SLC16A10: variants seen among roughly 807,000 people sequenced by gnomAD.
SLC16A10 encodes solute carrier family 16 member 10.
Under a neutral mutation model 40.0 loss-of-function variants are expected in SLC16A10, and 27 were observed. The observed-to-expected ratio is 0.67, with a 90% confidence interval of 0.50 to 0.93. The LOEUF is 0.93. Ranked by LOEUF, SLC16A10 falls within the 40% of genes least tolerant of loss-of-function variation. The probability of loss-of-function intolerance (pLI) is 0.00; values close to 1 mark genes in which losing one functional copy is unlikely to be tolerated. For missense variants in SLC16A10, 529 were observed against 658.2 expected (o/e 0.80, Z 2.15); for synonymous variants, 213 against 249.8 (o/e 0.85, Z 1.39).
At chr6:111,178,557 G>GA (rs150694490) in intron 3 of SLC16A10, 6,925 of 280,962 alleles carry the variant, frequency 0.025, no homozygotes, top group South Asian at 0.043. Flanking sequence ...CCTGGGGAAG[G>GA]AAAAAAAAAA....
chr6:111,134,785 T>C (rs1229400212), intron 1 of SLC16A10, among the ~76,000 whole-genome samples: 2 of 152,112 alleles, frequency 1.3e-5, no homozygotes, highest in Non-Finnish European at 1.5e-5. Context: ...GGGACGTAGG[T>C]CCTCTGAGTC....
chr6:111,177,629 T>C lies in SLC16A10; in HGVS notation c.906T>C (p.Leu302=). Residue 302 remains leucine, a synonymous_variant, in exon 3 of 6, where the codon CTT becomes CTC. Transcript: ENST00000368851. ...AYAVWAVGIP[L]ALFGYFVPYV... The stretch of plus-strand genomic sequence containing the variant: ...CAGTGTGGGCAGTTGGAATACCACT[T>C]GCACTTTTTGGATACTTTGTGCCTT... 6.3e-7 allele frequency: 1 copy of C among 1,578,076 alleles called. No homozygotes were observed. The highest frequency in any genetic ancestry group is 8.6e-7 in the Non-Finnish European group (1 of 1,162,434).
rs115741123 is a variant in SLC16A10, at chr6:111,223,534, C to A, written c.*1299C>A. ...TGCTTTTGATTGTGAAGACATTCAG[C>A]AACTTACTTTGTCATACATGCAGTT... is the stretch of plus-strand genomic sequence containing the variant. On this transcript the variant is annotated 3_prime_UTR_variant, in exon 6 of 6. Transcript: ENST00000368851. 89 of 152,246 alleles carry A rather than the reference C, an allele frequency of 5.8e-4. No individual in the cohort carries two copies. The highest frequency in any genetic ancestry group is 1.8e-3 in the African/African-American group (75 of 41,548). 9.4% of individuals were successfully genotyped at this position (152,246 alleles called of 1,614,324 possible).
chr6:111,172,390 A>G (rs1772601880), intron 1 of SLC16A10, among the ~76,000 whole-genome samples: 1 of 152,154 alleles, frequency 6.6e-6, no homozygotes, highest in Admixed American at 6.5e-5. Context: ...TTGAGTTTTT[A>G]TGGAATCTGA....
At chr6:111,161,847 C>A (rs1388797537) in intron 1 of SLC16A10, among the ~76,000 whole-genome samples, 1 of 144,946 alleles carries the variant, frequency 6.9e-6, no homozygotes, top group East Asian at 1.9e-4. Context: ...TTTTCCCAAA[C>A]AAAGAAACCT....
intron 1 of SLC16A10, among the ~76,000 whole-genome samples, chr6:111,145,725 T>C (rs1772066350): frequency 6.6e-6 from 1 of 152,160 alleles, no homozygotes; most frequent in African/African-American, 2.4e-5. Context: ...AGTGTGTACC[T>C]GTATTCCTAG....
intron 1 of SLC16A10, among the ~76,000 whole-genome samples, chr6:111,093,490 A>C (rs901025722): frequency 7.9e-5 from 12 of 152,168 alleles, no homozygotes; most frequent in Non-Finnish European, 1.6e-4. Flanking sequence ...TTCCCCCCAC[A>C]CCAAGTTTTC....
chr6:111,099,952 G>A (rs982171943), intron 1 of SLC16A10, among the ~76,000 whole-genome samples: 17 of 150,930 alleles, frequency 1.1e-4, no homozygotes, highest in Non-Finnish European at 2.2e-4. Flanking sequence ...AGCTCTAGAG[G>A]TCAAGGGTGC....
chr6:111,216,716 G>A (rs1216683078), intron 4 of SLC16A10, among the ~76,000 whole-genome samples: 3 of 151,928 alleles, frequency 2.0e-5, no homozygotes, highest in Non-Finnish European at 2.9e-5. Flanking sequence ...CGCCCAGCCG[G>A]CCAACTCGTA....
At position 111,229,499 on chromosome 6, in the gene SLC16A10, G is replaced by A. The variant is rs908235199; in HGVS notation, c.*7264G>A. The A allele has an allele frequency of 6.6e-6, 1 of 152,138 alleles. No individual in the cohort carries two copies. Among genetic ancestry groups the A allele is most frequent in the Non-Finnish European group, 1.5e-5 (1 of 68,026 alleles). The allele number at this position is 152,138 out of a possible 1,614,324, so 9.4% of individuals were successfully genotyped here. A position where few individuals can be genotyped will look rare whatever the true frequency, so the allele number is the denominator to read the frequency against. On this transcript the variant is annotated 3_prime_UTR_variant, in exon 6 of 6. Transcript: ENST00000368851. ...TGTAACTTTGAGGCAATGTGAAAAA[G>A]TTATATATAATAGCTTCCTATTGAG...
At chr6:111,195,586 C>G (rs960016758) in intron 3 of SLC16A10, among the ~76,000 whole-genome samples, 3 of 152,090 alleles carry the variant, frequency 2.0e-5, no homozygotes, top group Non-Finnish European at 4.4e-5. Flanking sequence ...AAAATAGTCC[C>G]CACAAATTTC....
chr6:111,207,627 G>C (rs1024783378), intron 4 of SLC16A10, among the ~76,000 whole-genome samples: 4 of 152,208 alleles, frequency 2.6e-5, no homozygotes, highest in Non-Finnish European at 4.4e-5. Context: ...GAGTGCCATA[G>C]CAACACAGGC....
rs982449088 is a variant in SLC16A10 at position 111,229,191 on chromosome 6, A to T, written c.*6956A>T. The T allele has an allele frequency of 6.6e-6, 1 of 152,142 alleles. No homozygotes were observed. The highest frequency in any genetic ancestry group is 2.4e-5 in the African/African-American group (1 of 41,422). 9.4% of individuals were successfully genotyped at this position (152,142 alleles called of 1,614,324 possible). On this transcript the variant is annotated 3_prime_UTR_variant, in exon 6 of 6. Transcript: ENST00000368851. ...ATTTTTCTTTTAAAAATATTAATAT[A>T]CAACACAATAGAAAATGTATACAGC...
intron 1 of SLC16A10, among the ~76,000 whole-genome samples, chr6:111,131,098 A>G (rs1454262484): frequency 6.6e-6 from 1 of 152,172 alleles, no homozygotes; most frequent in Non-Finnish European, 1.5e-5. Context: ...ACACTCTTCC[A>G]GTCTGTGTTT....
intron 1 of SLC16A10, among the ~76,000 whole-genome samples, chr6:111,147,016 G>T (rs747863142): frequency 6.6e-6 from 1 of 152,170 alleles, no homozygotes; most frequent in East Asian, 1.9e-4. Flanking sequence ...CATAAAGACA[G>T]AAAGTAGATT....
At chr6:111,131,536 T>G (rs1283201291) in intron 1 of SLC16A10, among the ~76,000 whole-genome samples, 1 of 152,152 alleles carries the variant, frequency 6.6e-6, no homozygotes, top group African/African-American at 2.4e-5. Flanking sequence ...CACTTTTGCT[T>G]GCTGTTCTGC....
At chr6:111,137,602 C>T (rs539283961) in intron 1 of SLC16A10, among the ~76,000 whole-genome samples, 2 of 152,276 alleles carry the variant, frequency 1.3e-5, no homozygotes, top group African/African-American at 2.4e-5. Flanking sequence ...GTCCATGCTT[C>T]GATGTTGATG....
chr6:111,155,343 TG>T (rs2114520394), intron 1 of SLC16A10, among the ~76,000 whole-genome samples: 1 of 151,684 alleles, frequency 6.6e-6, no homozygotes, highest in South Asian at 2.1e-4. Context: ...CCACCGTGAC[TG>T]GCTAATTTTA....
intron 4 of SLC16A10, among the ~76,000 whole-genome samples, chr6:111,212,170 C>T (rs1773356032): frequency 6.6e-6 from 1 of 152,014 alleles, no homozygotes; most frequent in African/African-American, 2.4e-5. Context: ...AGTGAGAAGC[C>T]AGTTCACCCC....
Sources: gnomAD v4.1 joint callset for allele counts (sites outside exome capture counted in the v4.1 genomes callset) on GRCh38, gnomAD v4.1.1 for gene constraint, MANE v1.5 for transcripts, NCBI Gene and HGNC (gene_info 2026-07-23, HGNC 2026-07-21) for gene names.